Variants in ZNF665 observed in about 807,000 individuals in gnomAD.
The protein encoded by ZNF665 is zinc finger protein 665.
In ZNF665, 6 loss-of-function variants were observed where a neutral mutation model predicts 7.9. The ratio of observed to expected loss-of-function variants is 0.76; its 90% CI spans 0.42 to 1.50. The LOEUF (loss-of-function observed/expected upper bound fraction) is 1.50. Ranked by LOEUF, ZNF665 falls within the 40% of genes most tolerant of loss-of-function variation. The probability of loss-of-function intolerance (pLI) is 0.01; values close to 1 mark genes in which losing one functional copy is unlikely to be tolerated. For missense variants in ZNF665, 819 were observed against 806.7 expected (o/e 1.02, Z -0.18); for synonymous variants, 242 against 274.5 (o/e 0.88, Z 1.17).
chr19:53,182,781 C>G, intron 2 of ZNF665, 103 bp downstream of exon 2: 1 of 1,573,882 alleles, frequency 6.4e-7, no homozygotes, highest in South Asian at 1.1e-5. Flanking sequence ...GCGAGCAAAC[C>G]TGTCAGGCAG....
At chr19:53,169,824 A>G (rs1457618759) in intron 3 of ZNF665, among the ~76,000 whole-genome samples, 1 of 146,998 alleles carries the variant, frequency 6.8e-6, no homozygotes, top group East Asian at 2.0e-4. Context: ...GAGAATGATG[A>G]TTTCCAATTT....
At position 53,164,453 on chromosome 19, in the gene ZNF665, C is replaced by G; in HGVS notation, c.2037G>C (p.Ter679TyrextTer40). 1 of 1,578,706 alleles carries G rather than the reference C, an allele frequency of 6.3e-7. No homozygotes were observed. The highest frequency in any genetic ancestry group is 8.6e-7 in the Non-Finnish European group (1 of 1,163,016). Reference protein sequence around the residue: ...LAKHRRIHSG* With the variant: ...LAKHRRIHSGY ...ACGCCCGGCGTCCTTTGTAAGGTTT[C>G]TATCCACTATGAATTCTTCGATGTT... Residue 679 changes from the stop codon to tyrosine, a stop_lost, in exon 4 of 4, where the codon TAG (stop) becomes TAC (tyrosine). Transcript: ENST00000396424.
intron 1 of ZNF665, among the ~76,000 whole-genome samples, chr19:53,184,293 TG>T (rs2090760634): frequency 6.6e-6 from 1 of 152,156 alleles, no homozygotes; most frequent in South Asian, 2.1e-4. Context: ...TTTAAAACAC[TG>T]GATTTCTTTA....
chr19:53,171,314 T>C (rs983641233), intron 3 of ZNF665, among the ~76,000 whole-genome samples: 1 of 151,624 alleles, frequency 6.6e-6, no homozygotes, highest in Non-Finnish European at 1.5e-5. Flanking sequence ...TGATATGCAA[T>C]TTACTGGAGA....
In ZNF665 at chr19:53,165,356, C is replaced by T; in HGVS notation, c.1134G>A (p.Glu378=). ...AATGCATACTGAAGGCTTTCCCACACTCATTACACTTGTAAGGTTTCTCAC... is the reference window on the plus strand; with the variant it reads ...AATGCATACTGAAGGCTTTCCCACATTCATTACACTTGTAAGGTTTCTCAC... ...HTGEKPYKCN[E]CGKAFSMHSN... is the part of the protein sequence containing the mutation. The change falls in exon 4 of 4, where the codon GAG becomes GAA. Residue 378 remains glutamate, a synonymous_variant. Transcript: ENST00000396424. 2 of 1,614,098 alleles carry T rather than the reference C, an allele frequency of 1.2e-6. No individual in the cohort carries two copies. The highest frequency in any genetic ancestry group is 2.2e-5 in the East Asian group (1 of 44,862).
At position 53,165,136 on chromosome 19, in the gene ZNF665, G is replaced by T. The variant is rs1300584476; in HGVS notation, c.1354C>A (p.His452Asn). 1.2e-6 allele frequency: 2 copies of T among 1,614,002 alleles called. No homozygotes were observed. The highest frequency in any genetic ancestry group is 1.7e-6 in the Non-Finnish European group (2 of 1,180,020). Residue 452 changes from histidine to asparagine, a missense_variant, in exon 4 of 4, where the codon CAT becomes AAT. Transcript: ENST00000396424. ...RSSLTTHQAI[H>N]TGEKPYKCND... ...CATTTGTAAGGCTTTTCTCCAGTATGAATTGCCTGATGGGTAGTTAGGCTT... is the reference window on the plus strand; with the variant it reads ...CATTTGTAAGGCTTTTCTCCAGTATTAATTGCCTGATGGGTAGTTAGGCTT...
Position 53,164,809 on chromosome 19 carries a change from G to T in ZNF665, c.1681C>A (p.Gln561Lys). 1 of 1,614,130 alleles carries T rather than the reference G, an allele frequency of 6.2e-7. No homozygotes were observed. Among genetic ancestry groups the T allele is most frequent in the Non-Finnish European group, 8.5e-7 (1 of 1,180,006 alleles). ...FRHNSYLAIH[Q>K]RIHTGEKPYK... ...GGTTTCTCACCAGTGTGAATTCTCT[G>T]ATGAATTGCAAGGTACGAATTGTGT... The change falls in exon 4 of 4, where the codon CAG becomes AAG. Residue 561 changes from glutamine to lysine, a missense_variant. By Grantham distance (53) the Gln-to-Lys change is moderately conservative. Transcript: ENST00000396424.
intron 2 of ZNF665, among the ~76,000 whole-genome samples, chr19:53,177,892 C>A (rs931087806): frequency 2.6e-5 from 4 of 152,300 alleles, no homozygotes; most frequent in African/African-American, 7.2e-5. Flanking sequence ...TTCACAGACA[C>A]ACTGAGAAAC....
chr19:53,167,655 C>G (rs2090626425), intron 3 of ZNF665, among the ~76,000 whole-genome samples: 1 of 147,896 alleles, frequency 6.8e-6, no homozygotes, highest in African/African-American at 2.5e-5. Context: ...ACCGTGTTAG[C>G]CAGGATGGTC....
At chr19:53,182,455 G>A (rs2090745008) in intron 2 of ZNF665, 2 of 500,412 alleles carry the variant, frequency 4.0e-6, no homozygotes, top group South Asian at 5.7e-5. Flanking sequence ...TAAATGAGGT[G>A]ACAAAGCTTT....
At chr19:53,178,553 G>A (rs1416270821) in intron 2 of ZNF665, among the ~76,000 whole-genome samples, 2 of 151,982 alleles carry the variant, frequency 1.3e-5, no homozygotes, top group African/African-American at 4.8e-5. Flanking sequence ...GCAAGACCTT[G>A]TTTCTACAAA....
chr19:53,192,671 C>T (rs2146900540), intron 1 of ZNF665, among the ~76,000 whole-genome samples: 1 of 152,326 alleles, frequency 6.6e-6, no homozygotes, highest in East Asian at 1.9e-4. Context: ...TTGGCCCACA[C>T]ATTCACAGGG....
In ZNF665 at chr19:53,189,051, C is replaced by CTGTGTGTGTGTCTGTGTG. The variant is rs757222280; in HGVS notation, c.-46+4260_-46+4261insCACACAGACACACACACA. On this transcript the variant is annotated intron_variant, in intron 1 of 3. Coordinates refer to ENST00000396424, the MANE Select transcript of ZNF665 (RefSeq NM_024733.5). ...AGATGAGAAAGAAAGGCTTTATTTT[C>CTGTGTGTGTGTCTGTGTG]TGTGTGTGTGTGTGTGTGTGTGTGT... is the stretch of plus-strand genomic sequence containing the variant. Among the ~76,000 whole-genome samples, 391 of 137,746 alleles carry CTGTGTGTGTGTCTGTGTG rather than the reference C, an allele frequency of 2.8e-3. 4 individuals carry two copies. Among genetic ancestry groups the CTGTGTGTGTGTCTGTGTG allele is most frequent in the Middle Eastern group, 0.011 (3 of 276 alleles). 90.4% of individuals were successfully genotyped at this position (137,746 alleles called of 152,430 possible).
Position 53,163,486 on chromosome 19 carries a change from G to A in ZNF665, c.*967C>T, listed in dbSNP as rs1406221261. On this transcript the variant is annotated 3_prime_UTR_variant, in exon 4 of 4. Coordinates refer to ENST00000396424, the MANE Select transcript of ZNF665 (RefSeq NM_024733.5). Reference sequence around the variant, plus strand: ...ACTATATTTAATTTTAAAAGGCAGAGTCTTTTTTCTTCAGGAGCTTGGAGA... The same window carrying A: ...ACTATATTTAATTTTAAAAGGCAGAATCTTTTTTCTTCAGGAGCTTGGAGA... 1 of 152,158 alleles carries A rather than the reference G, an allele frequency of 6.6e-6. No homozygotes were observed. Among genetic ancestry groups the A allele is most frequent in the African/African-American group, 2.4e-5 (1 of 41,442 alleles). The allele number at this position is 152,158 out of a possible 1,614,324, so 9.4% of individuals were successfully genotyped here.
intron 3 of ZNF665, among the ~76,000 whole-genome samples, chr19:53,167,881 C>A (rs2090628702): frequency 6.8e-6 from 1 of 148,020 alleles, no homozygotes; most frequent in Admixed American, 6.7e-5. Context: ...ACGATGAAAC[C>A]CCGTCTCTAC....
intron 2 of ZNF665, chr19:53,182,433 C>T: frequency 4.3e-6 from 2 of 467,956 alleles, no homozygotes; most frequent in East Asian, 7.1e-5. Flanking sequence ...TGTTCGGCAT[C>T]AAATGCAAAT....
chr19:53,180,792 G>T (rs2090732673), intron 2 of ZNF665: 1 of 152,036 alleles, frequency 6.6e-6, no homozygotes, highest in African/African-American at 2.4e-5. Flanking sequence ...GTAAGAACTT[G>T]TACTCCAATT....
chr19:53,191,504 C>T (rs2090816471), intron 1 of ZNF665, among the ~76,000 whole-genome samples: 1 of 152,184 alleles, frequency 6.6e-6, no homozygotes, highest in African/African-American at 2.4e-5. Flanking sequence ...GTGATTCTCA[C>T]CAGCATCTCC....
At chr19:53,191,494 G>A (rs2146897943) in intron 1 of ZNF665, among the ~76,000 whole-genome samples, 1 of 152,326 alleles carries the variant, frequency 6.6e-6, no homozygotes, top group South Asian at 2.1e-4. Flanking sequence ...CAAAACTTTT[G>A]TGATTCTCAC....
Sources: allele counts gnomAD v4.1 joint callset (sites outside exome capture counted in the v4.1 genomes callset), GRCh38; gene constraint gnomAD v4.1.1; transcripts MANE v1.5; gene names NCBI Gene and HGNC (gene_info 2026-07-23, HGNC 2026-07-21).